The following INPP4B variants were observed in gnomAD, a reference collection of about 807,000 sequenced individuals.
The protein encoded by INPP4B is inositol polyphosphate-4-phosphatase type II B, also known as inositol polyphosphate 4-phosphatase type II.
Under a neutral mutation model 122.5 loss-of-function variants are expected in INPP4B, and 55 were observed. The observed-to-expected ratio is 0.45, with a 90% confidence interval of 0.36 to 0.56. The LOEUF (loss-of-function observed/expected upper bound fraction) is 0.56. INPP4B is among the 20% of genes least tolerant of loss of function. INPP4B has a pLI of 0.00. For synonymous variants in INPP4B, 403 were observed against 388.7 expected, an observed-to-expected ratio of 1.04 and a Z score of -0.43; for missense variants, 1,000 against 1,097.7, an observed-to-expected ratio of 0.91 and a Z score of 1.26.
chr4:142,208,949 T>G lies in INPP4B; in HGVS notation c.914A>C (p.Asp305Ala). The change falls in exon 13 of 26, where the codon GAT becomes GCT. Residue 305 changes from aspartate (D) to alanine (A), a missense_variant. By Grantham distance (126) the Asp-to-Ala change is moderately radical. Coordinates refer to ENST00000262992, the MANE Select transcript of INPP4B (RefSeq NM_001101669.3). ...NLRKNVLTHC[D>A]QMVNMYQDIL... is the part of the protein sequence containing the mutation. ...GTCTTGGTACATATTCACCATTTGA[T>G]CACAGTGAGTAAGGACATTTTTTCG... The G allele has an allele frequency of 6.2e-7, 1 of 1,604,714 alleles. No homozygotes were observed. The highest frequency in any genetic ancestry group is 8.5e-7 in the Non-Finnish European group (1 of 1,173,934).
intron 14 of INPP4B, among the ~76,000 whole-genome samples, chr4:142,206,968 A>T (rs571689262): frequency 1.2e-4 from 19 of 152,158 alleles, no homozygotes; most frequent in Admixed American, 1.2e-3. Flanking sequence ...CAACCTCCCG[A>T]AGCCCCTGGA....
intron 25 of INPP4B, among the ~76,000 whole-genome samples, chr4:142,072,770 G>A (rs978505713): frequency 1.7e-4 from 26 of 152,062 alleles, no homozygotes; most frequent in East Asian, 5.8e-4. Flanking sequence ...CTCTTTTAGC[G>A]CTCATGACAA....
intron 25 of INPP4B, among the ~76,000 whole-genome samples, chr4:142,070,857 A>C (rs1002341625): frequency 6.6e-6 from 1 of 152,196 alleles, no homozygotes; most frequent in African/African-American, 2.4e-5. Context: ...AAATGGAAGA[A>C]CATTCCATGC....
chr4:142,557,946 C>T (rs111735703), intron 2 of INPP4B, among the ~76,000 whole-genome samples: 16 of 152,272 alleles, frequency 1.1e-4, no homozygotes, highest in East Asian at 1.9e-4. Flanking sequence ...AACTGTTCAA[C>T]GACAAAGTCA....
At chr4:142,081,550 C>T (rs1251760053) in intron 25 of INPP4B, among the ~76,000 whole-genome samples, 1 of 151,862 alleles carries the variant, frequency 6.6e-6, no homozygotes, top group Non-Finnish European at 1.5e-5. Context: ...GGTTACTGAC[C>T]CAGAGATTCT....
rs183196134 is a variant in INPP4B, at chr4:142,611,137, G to A, written c.-191+114702C>T. ...GGCAAAGGGGAAGCAGGCATGGCAC[G>A]TCTTACATGGCAGGAGGAGGAGCAA... On this transcript the variant is annotated intron_variant, in intron 2 of 25. Transcript: ENST00000262992. Among the ~76,000 whole-genome samples, 230 of 152,290 alleles carry A rather than the reference G, an allele frequency of 1.5e-3. 1 individual carries two copies. Among genetic ancestry groups the A allele is most frequent in the Admixed American group, 3.1e-3 (47 of 15,284 alleles).
intron 2 of INPP4B, among the ~76,000 whole-genome samples, chr4:142,619,860 G>A (rs1231850936): frequency 2.6e-5 from 4 of 151,944 alleles, no homozygotes; most frequent in Non-Finnish European, 4.4e-5. Context: ...AGAGAGATAC[G>A]TTTATTTTGC....
chr4:142,427,253 A>T (rs572475788), intron 5 of INPP4B: 29 of 292,854 alleles, frequency 9.9e-5, no homozygotes, highest in African/African-American at 5.7e-4. Context: ...GTCTTCTAGG[A>T]TCAACAATAC....
chr4:142,815,522 G>A (rs74768404), intron 1 of INPP4B, among the ~76,000 whole-genome samples: 6,306 of 152,016 alleles, frequency 0.041, 157 homozygotes, highest in African/African-American at 0.063. Flanking sequence ...GCCACTCAGA[G>A]GTTTCCGTCT....
intron 2 of INPP4B, among the ~76,000 whole-genome samples, chr4:142,504,095 A>G (rs1213341351): frequency 6.6e-6 from 1 of 152,120 alleles, no homozygotes; most frequent in Non-Finnish European, 1.5e-5. Context: ...AAACAAGTCA[A>G]TAGACAAATG....
At position 142,025,863 on chromosome 4, in the gene INPP4B, G is replaced by A. The variant is rs1736854754; in HGVS notation, c.*2919C>T. The stretch of plus-strand genomic sequence containing the variant: ...GCTCGACTCACTGAATTATGAGGCT[G>A]ACCAAACTTATGTTCAGGGATTGTT... On this transcript the variant is annotated 3_prime_UTR_variant, in exon 26 of 26. Coordinates refer to ENST00000262992, the MANE Select transcript of INPP4B (RefSeq NM_001101669.3). The A allele has an allele frequency of 6.6e-6, 1 of 152,152 alleles. No homozygotes were observed. The highest frequency in any genetic ancestry group is 1.5e-5 in the Non-Finnish European group (1 of 68,018). The allele number at this position is 152,152 out of a possible 1,614,324, so 9.4% of individuals were successfully genotyped here. A position where few individuals can be genotyped will look rare whatever the true frequency, so the allele number is the denominator to read the frequency against.
Position 142,146,076 on chromosome 4 carries a change from A to G in INPP4B, c.1564-80T>C. On this transcript the variant is annotated intron_variant, in intron 17 of 25. Transcript: ENST00000262992. ...AAAGTCGGATAAATCTATTTTAGAG[A>G]AGCATTTGGAAGGGTAGTCATTAGA... The G allele has an allele frequency of 1.2e-5, 17 of 1,462,752 alleles. 1 individual carries two copies. The South Asian group carries it at 2.2e-4, about 19-fold the overall frequency. 90.6% of individuals were successfully genotyped at this position (1,462,752 alleles called of 1,614,324 possible).
intron 25 of INPP4B, among the ~76,000 whole-genome samples, chr4:142,074,599 A>C (rs534386082): frequency 4.0e-4 from 61 of 152,224 alleles, no homozygotes; most frequent in Middle Eastern, 3.4e-3. Flanking sequence ...TATTGTTGGT[A>C]ATCAGATGTT....
chr4:142,489,818 G>C (rs998379114), intron 2 of INPP4B, among the ~76,000 whole-genome samples: 4 of 152,104 alleles, frequency 2.6e-5, no homozygotes, highest in Non-Finnish European at 5.9e-5. Context: ...TGTTATTAGA[G>C]TACATTCAAA....
intron 2 of INPP4B, among the ~76,000 whole-genome samples, chr4:142,723,434 A>G (rs1764946887): frequency 6.6e-6 from 1 of 152,138 alleles, no homozygotes; most frequent in Non-Finnish European, 1.5e-5. Context: ...GTATATTGAA[A>G]GATATTTTAA....
chr4:142,299,221 C>A (rs1049893495), intron 9 of INPP4B, among the ~76,000 whole-genome samples: 5 of 148,632 alleles, frequency 3.4e-5, no homozygotes, highest in African/African-American at 7.5e-5. Flanking sequence ...TATAGTAGTA[C>A]GATCATGGCT....
At chr4:142,231,670 A>G (rs750263536) in intron 12 of INPP4B, among the ~76,000 whole-genome samples, 1 of 152,240 alleles carries the variant, frequency 6.6e-6, no homozygotes, top group African/African-American at 2.4e-5. Flanking sequence ...TATCAATCAT[A>G]GCAGCCTTTT....
At chr4:142,348,502 T>C (rs144989616) in intron 7 of INPP4B, among the ~76,000 whole-genome samples, 6 of 152,146 alleles carry the variant, frequency 3.9e-5, no homozygotes, top group African/African-American at 1.4e-4. Context: ...TCCCCAGATA[T>C]AGATGGTGAA....
chr4:142,512,961 C>A (rs1264984168), intron 2 of INPP4B, among the ~76,000 whole-genome samples: 2 of 152,140 alleles, frequency 1.3e-5, no homozygotes, highest in Admixed American at 1.3e-4. Flanking sequence ...TACACAAAAT[C>A]ATGCTGAATT....
Sources: gnomAD v4.1 joint callset for allele counts (sites outside exome capture counted in the v4.1 genomes callset) on GRCh38, gnomAD v4.1.1 for gene constraint, MANE v1.5 for transcripts, NCBI Gene and HGNC (gene_info 2026-07-23, HGNC 2026-07-21) for gene names.